The following MBNL2 variants were observed in gnomAD, a reference collection of about 807,000 sequenced individuals.
MBNL2 encodes muscleblind-like protein 2.
Under a neutral mutation model 41.9 loss-of-function variants are expected in MBNL2, and 17 were observed. That is an observed-to-expected ratio of 0.41 (90% CI 0.28 to 0.61). The LOEUF is 0.61. Among genes scored for constraint, MBNL2 ranks in the 20% least tolerant of loss-of-function variants. The pLI, the probability that MBNL2 is intolerant of heterozygous loss-of-function variation, is 0.35. For missense variants in MBNL2, 336 were observed against 505.6 expected (o/e 0.66, Z 3.22); for synonymous variants, 195 against 182.9 (o/e 1.07, Z -0.53).
Position 97,346,066 on chromosome 13 carries a change from G to A in MBNL2, c.541-738G>A, listed in dbSNP as rs1369300623. 3.3e-5 allele frequency among the ~76,000 whole-genome samples: 5 copies of A among 152,164 alleles called. No homozygotes were observed. The highest frequency in any genetic ancestry group is 5.9e-5 in the Non-Finnish European group (4 of 68,024). On this transcript the variant is annotated intron_variant, in intron 4 of 8. Coordinates refer to ENST00000679496, the MANE Select transcript of MBNL2 (RefSeq NM_001382683.1). The surrounding 1 kb of genome is among the most constrained non-coding windows in gnomAD (Gnocchi z 4.2). ...TAATTGATAGATTTTAGATAGATCA[G>A]TAGATGATAGATGATGGATGGCTGG... is the stretch of plus-strand genomic sequence containing the variant.
intron 1 of MBNL2, among the ~76,000 whole-genome samples, chr13:97,271,234 G>A (rs955555217): frequency 3.3e-5 from 5 of 149,948 alleles, no homozygotes; most frequent in African/African-American, 4.9e-5. Flanking sequence ...TCATGCCTCA[G>A]CCTCCCAAGT....
Position 97,268,197 on chromosome 13 carries a change from T to C in MBNL2, c.-604-7435T>C, listed in dbSNP as rs563335657. Among the ~76,000 whole-genome samples the C allele has an allele frequency of 6.6e-6, 1 of 152,120 alleles. No individual in the cohort carries two copies. The highest frequency in any genetic ancestry group is 1.5e-5 in the Non-Finnish European group (1 of 68,010). Reference sequence around the variant, plus strand: ...GCAACCTCTGCCTCCTGGGTTCAAGTGATTCTCATGTCTCAGCCTCCTGAA... The same window carrying C: ...GCAACCTCTGCCTCCTGGGTTCAAGCGATTCTCATGTCTCAGCCTCCTGAA... On this transcript the variant is annotated intron_variant, in intron 1 of 8. Transcript: ENST00000679496. This position sits in a 1 kb window ranked among gnomAD's most constrained non-coding sequence, Gnocchi z 4.6.
Position 97,292,450 on chromosome 13 carries a change from T to C in MBNL2, c.174+16041T>C, listed in dbSNP as rs114646594. Reference sequence around the variant, plus strand: ...ATCCTACTAAACATATCCTGTGTAATTGAAGCTCCCGTCACTAATAGATTT... The same window carrying C: ...ATCCTACTAAACATATCCTGTGTAACTGAAGCTCCCGTCACTAATAGATTT... On this transcript the variant is annotated intron_variant, in intron 2 of 8. Coordinates refer to ENST00000679496, the MANE Select transcript of MBNL2 (RefSeq NM_001382683.1). Among the ~76,000 whole-genome samples the C allele has an allele frequency of 2.2e-3, 335 of 152,308 alleles. 1 individual carries two copies. Among genetic ancestry groups the C allele is most frequent in the African/African-American group, 7.3e-3 (303 of 41,572 alleles).
chr13:97,158,386 T>C, the MBNL2 span, among the ~76,000 whole-genome samples: 2 of 152,254 alleles, frequency 1.3e-5, no homozygotes, highest in Admixed American at 6.5e-5. Context: ...TTTTTGTGTC[T>C]CTATTTCCTT....
chr13:97,222,240 C>G (rs2040922177), upstream of MBNL2: 2 of 394,558 alleles, frequency 5.1e-6, no homozygotes, highest in Non-Finnish European at 8.9e-6. Flanking sequence ...CAGTTTCAGA[C>G]GAGTAGGGCT....
At chr13:97,150,939 A>G in the MBNL2 span, among the ~76,000 whole-genome samples, 1 of 152,178 alleles carries the variant, frequency 6.6e-6, no homozygotes. Flanking sequence ...TCCTCCTTTC[A>G]GTTAGACTTT....
chr13:97,297,556 G>T (rs1430044624), intron 2 of MBNL2, among the ~76,000 whole-genome samples: 2 of 152,070 alleles, frequency 1.3e-5, no homozygotes, highest in African/African-American at 2.4e-5. Context: ...CCATGAAGCT[G>T]CCTATTCTCT....
At chr13:97,173,617 ACTC>A in the MBNL2 span, among the ~76,000 whole-genome samples, 14,473 of 151,650 alleles carry the variant, frequency 0.095, 750 homozygotes, top group South Asian at 0.17. Context: ...CAGACATGTC[ACTC>A]CTCCTCTTTA....
intron 1 of MBNL2, among the ~76,000 whole-genome samples, chr13:97,263,082 C>T (rs777896305): frequency 4.6e-5 from 7 of 152,200 alleles, no homozygotes; most frequent in African/African-American, 1.7e-4. Context: ...CTGCCACGCT[C>T]GACCTTGAAG....
intron 2 of MBNL2, among the ~76,000 whole-genome samples, chr13:97,308,866 T>C (rs752084168): frequency 6.6e-5 from 10 of 152,338 alleles, no homozygotes; most frequent in East Asian, 1.9e-4. Context: ...TGACTGTGAC[T>C]ATGACAATGG....
intron 8 of MBNL2, among the ~76,000 whole-genome samples, chr13:97,368,419 A>AAAATAAAATAAAAT (rs1331795568): frequency 1.3e-5 from 2 of 151,930 alleles, no homozygotes; most frequent in Admixed American, 6.6e-5. Flanking sequence ...GTCTTAAAAT[A>AAAATAAAATAAAAT]AAATAAAATA....
At chr13:97,287,956 T>G (rs1423357438) in intron 2 of MBNL2, among the ~76,000 whole-genome samples, 1 of 134,376 alleles carries the variant, frequency 7.4e-6, no homozygotes, top group Admixed American at 7.6e-5. Flanking sequence ...TTTTTTTTAG[T>G]AGAGATGGGG....
intron 2 of MBNL2, among the ~76,000 whole-genome samples, chr13:97,302,666 C>G (rs1245224821): frequency 6.6e-6 from 1 of 152,174 alleles, no homozygotes; most frequent in African/African-American, 2.4e-5. Context: ...TAATTTCAAT[C>G]CAAACACAAT....
At chr13:97,204,363 A>G in the MBNL2 span, among the ~76,000 whole-genome samples, 1 of 152,232 alleles carries the variant, frequency 6.6e-6, no homozygotes, top group Non-Finnish European at 1.5e-5. Context: ...CAGTTATTAA[A>G]TATCTTAGAA....
chr13:97,199,202 G>A, the MBNL2 span, among the ~76,000 whole-genome samples: 2 of 152,142 alleles, frequency 1.3e-5, no homozygotes, highest in Admixed American at 1.3e-4. Flanking sequence ...AGAGATCTGA[G>A]AACTGGCTCC....
At chr13:97,238,791 C>T (rs1376668434) in intron 1 of MBNL2, among the ~76,000 whole-genome samples, 1 of 152,160 alleles carries the variant, frequency 6.6e-6, no homozygotes, top group Non-Finnish European at 1.5e-5. Context: ...TGCTGGGCTG[C>T]CTGGTGGCAC....
chr13:97,231,812 T>TA (rs879653194), intron 1 of MBNL2, among the ~76,000 whole-genome samples: 4 of 152,094 alleles, frequency 2.6e-5, no homozygotes, highest in Non-Finnish European at 5.9e-5. Context: ...TTTTTTTTTT[T>TA]ATTATCCTAA....
At chr13:97,163,845 G>A in the MBNL2 span, among the ~76,000 whole-genome samples, 1 of 152,088 alleles carries the variant, frequency 6.6e-6, no homozygotes, top group African/African-American at 2.4e-5. Context: ...ACAGACACAG[G>A]GAGAAGATGC....
chr13:97,389,741 T>C (rs1239961570), intron 8 of MBNL2, among the ~76,000 whole-genome samples: 1 of 151,174 alleles, frequency 6.6e-6, no homozygotes, highest in Non-Finnish European at 1.5e-5. Context: ...AGAAAGAAAC[T>C]GCAATTTTTT....
Sources: gnomAD v4.1 joint callset for allele counts (sites outside exome capture counted in the v4.1 genomes callset) on GRCh38, gnomAD v4.1.1 for gene constraint, Gnocchi (gnomAD v3.1) non-coding constraint, MANE v1.5 for transcripts, NCBI Gene and HGNC (gene_info 2026-07-23, HGNC 2026-07-21) for gene names.